AFF3: variants seen among roughly 807,000 people sequenced by gnomAD.
AFF3 encodes the protein ALF transcription elongation factor 3.
Under a neutral mutation model 129.7 loss-of-function variants are expected in AFF3, and 32 were observed. That is an observed-to-expected ratio of 0.25 (90% CI 0.19 to 0.33). The LOEUF (loss-of-function observed/expected upper bound fraction) is 0.33. Among genes scored for constraint, AFF3 ranks in the 10% least tolerant of loss-of-function variants. The pLI is 1.00. For synonymous variants in AFF3, 644 were observed against 635.4 expected (o/e 1.01, Z -0.20); for missense variants, 1,373 against 1,592.0 (o/e 0.86, Z 2.34).
At chr2:99,672,178 TCACACACACACACACACACA>T (rs1177303721) in intron 12 of AFF3, among the ~76,000 whole-genome samples, 3 of 56,368 alleles carry the variant, frequency 5.3e-5, no homozygotes, top group South Asian at 6.4e-4. Flanking sequence ...AGTTAGCTTC[TCACACACACACACACACACA>T]CACACACACA....
intron 8 of AFF3, among the ~76,000 whole-genome samples, chr2:99,777,847 C>T (rs777165398): frequency 4.0e-5 from 6 of 148,606 alleles, no homozygotes; most frequent in Middle Eastern, 3.4e-3. Context: ...AGAGCAGATG[C>T]GCCACAGGCT....
At chr2:99,730,703 C>T (rs761235746) in intron 10 of AFF3, among the ~76,000 whole-genome samples, 12 of 151,562 alleles carry the variant, frequency 7.9e-5, no homozygotes, top group South Asian at 2.1e-4. Context: ...TTAGTAGAGA[C>T]GAGGTTTCAC....
chr2:99,685,483 T>C (rs764600454), intron 11 of AFF3, among the ~76,000 whole-genome samples: 2 of 152,128 alleles, frequency 1.3e-5, no homozygotes, highest in Non-Finnish European at 2.9e-5. Flanking sequence ...ATTTACTGGG[T>C]TGGAAGTGGT....
At chr2:99,739,339 A>G (rs1397226828) in intron 10 of AFF3, among the ~76,000 whole-genome samples, 1 of 152,126 alleles carries the variant, frequency 6.6e-6, no homozygotes, top group Admixed American at 6.5e-5. Context: ...TCGGCTTTCC[A>G]GAACACAACT....
intron 7 of AFF3, among the ~76,000 whole-genome samples, chr2:99,886,689 C>A (rs1693139065): frequency 6.6e-6 from 1 of 151,986 alleles, no homozygotes. Flanking sequence ...AGTTTTATTA[C>A]CCAAACTGAA....
intron 8 of AFF3, among the ~76,000 whole-genome samples, chr2:99,782,338 T>G (rs1467532940): frequency 2.0e-5 from 3 of 152,178 alleles, no homozygotes; most frequent in Non-Finnish European, 4.4e-5. Context: ...AAGGTACCAA[T>G]TCTGCCAGCA....
At chr2:99,748,582 G>A (rs1413137254) in intron 9 of AFF3, among the ~76,000 whole-genome samples, 1 of 152,142 alleles carries the variant, frequency 6.6e-6, no homozygotes, top group African/African-American at 2.4e-5. Flanking sequence ...GCTGCTTTCT[G>A]TTTCCTGCCT....
chr2:99,582,961 C>T lies in AFF3; in HGVS notation c.2630G>A (p.Arg877Gln), dbSNP rs773175963. The T allele has an allele frequency of 5.6e-6, 9 of 1,613,882 alleles. No homozygotes were observed. The highest frequency in any genetic ancestry group is 2.2e-5 in the East Asian group (1 of 44,860). The change falls in exon 17 of 25, where the codon CGG (arginine) becomes CAG (glutamine). Residue 877 changes from arginine (R) to glutamine (Q), a missense_variant. Arg to Gln is a conservative substitution (Grantham distance 43). Around this residue, in one of 9 missense-constraint regions of AFF3, gnomAD observed 466 missense variants for 505.0 expected, o/e 0.92. Coordinates refer to ENST00000672756, the MANE Select transcript of AFF3 (RefSeq NM_001386135.1). ...ATCAGAGAGGGGTGAGATGGGCGACCGAAGCATTTTTTCATTTTTATTTAT... is the reference window on the plus strand; with the variant it reads ...ATCAGAGAGGGGTGAGATGGGCGACTGAAGCATTTTTTCATTTTTATTTAT... ...IPINKNEKML[R>Q]SPISPLSDAS... is the part of the protein sequence containing the mutation.
chr2:99,576,681 C>A (rs1227496102), intron 18 of AFF3, among the ~76,000 whole-genome samples: 1 of 152,134 alleles, frequency 6.6e-6, no homozygotes, highest in Non-Finnish European at 1.5e-5. Context: ...GCTCTCAAAA[C>A]CACCCACTGC....
intron 7 of AFF3, among the ~76,000 whole-genome samples, chr2:99,942,579 G>GT (rs1270836346): frequency 6.6e-6 from 1 of 151,588 alleles, no homozygotes; most frequent in African/African-American, 2.4e-5. Context: ...GGAATGGCCT[G>GT]TGAAGGGCTT....
intron 12 of AFF3, among the ~76,000 whole-genome samples, chr2:99,669,424 ACT>A (rs1260566656): frequency 6.6e-6 from 1 of 151,480 alleles, no homozygotes; most frequent in Non-Finnish European, 1.5e-5. Flanking sequence ...AACATGGGTG[ACT>A]CTCATAAACA....
chr2:99,817,499 C>T (rs1687332513), intron 8 of AFF3, among the ~76,000 whole-genome samples: 1 of 152,174 alleles, frequency 6.6e-6, no homozygotes, highest in African/African-American at 2.4e-5. Flanking sequence ...AGGGGGATTA[C>T]TGCTCCTTCC....
intron 7 of AFF3, among the ~76,000 whole-genome samples, chr2:99,902,673 G>A (rs1694433790): frequency 6.6e-6 from 1 of 152,128 alleles, no homozygotes; most frequent in African/African-American, 2.4e-5. Context: ...ACCTTCTTGA[G>A]TAATCCAGAC....
At chr2:99,678,270 C>T (rs1674194029) in intron 11 of AFF3, among the ~76,000 whole-genome samples, 1 of 152,138 alleles carries the variant, frequency 6.6e-6, no homozygotes, top group Admixed American at 6.5e-5. Flanking sequence ...CATAACTTCC[C>T]TGTGTGTATT....
intron 7 of AFF3, among the ~76,000 whole-genome samples, chr2:99,861,390 T>C (rs561617482): frequency 1.2e-4 from 18 of 152,192 alleles, no homozygotes; most frequent in Non-Finnish European, 2.4e-4. Context: ...ACTACCTGGA[T>C]TTGATCCTGG....
In AFF3 at chr2:100,069,324, C is replaced by T. The variant is rs1687983014; in HGVS notation, c.53+35078G>A. 9.2e-5 allele frequency among the ~76,000 whole-genome samples: 14 copies of T among 152,304 alleles called. 1 individual carries two copies. The South Asian group carries it at 2.9e-3, about 32-fold the overall frequency. ...TACCCCAGAACTTCAAAATCTTACC[C>T]TCCAGAGGGGGGTCCAGGAATGTCC... On this transcript the variant is annotated intron_variant, in intron 4 of 24. Coordinates refer to ENST00000672756, the MANE Select transcript of AFF3 (RefSeq NM_001386135.1).
At chr2:99,872,207 CAAAAA>C (rs397871895) in intron 7 of AFF3, among the ~76,000 whole-genome samples, 5 of 61,776 alleles carry the variant, frequency 8.1e-5, no homozygotes, top group Admixed American at 2.4e-4. Context: ...GACTCCATCT[CAAAAA>C]AAAAAAAAAA....
At chr2:99,843,174 C>T (rs1160047304) in intron 7 of AFF3, among the ~76,000 whole-genome samples, 1 of 152,224 alleles carries the variant, frequency 6.6e-6, no homozygotes, top group Non-Finnish European at 1.5e-5. Context: ...AGCTCAGATG[C>T]AGGGACCATC....
Position 99,618,224 on chromosome 2 carries a change from C to CTTTTTTTTTT in AFF3, c.1185-16613_1185-16604dup, listed in dbSNP as rs70940180. On this transcript the variant is annotated intron_variant, in intron 13 of 24. Transcript: ENST00000672756. ...TAGATGAGAAAATGCTCATAACATT[C>CTTTTTTTTTT]TTTTTTTTTTTTTTTTTTTTTTTTT... Among the ~76,000 whole-genome samples the CTTTTTTTTTT allele has an allele frequency of 1.4e-3, 115 of 80,078 alleles. 15 individuals are homozygous for CTTTTTTTTTT. The highest frequency in any genetic ancestry group is 5.9e-3 in the African/African-American group (104 of 17,690). The allele number at this position is 80,078 out of a possible 152,430, so 52.5% of individuals were successfully genotyped here.
Sources: allele counts gnomAD v4.1 joint callset (sites outside exome capture counted in the v4.1 genomes callset), GRCh38; gene constraint gnomAD v4.1.1; regional missense constraint gnomAD v4.1.1; transcripts MANE v1.5; gene names NCBI Gene and HGNC (gene_info 2026-07-23, HGNC 2026-07-21).